Variants in AK9 observed in about 807,000 individuals in gnomAD.
AK9 encodes the protein adenylate kinase domain containing 1.
AK9 carries 191 observed loss-of-function variants against 239.6 expected under a neutral mutation model. The observed-to-expected ratio is 0.80, with a 90% CI of 0.71 to 0.90. The LOEUF (loss-of-function observed/expected upper bound fraction) is 0.90. Among genes scored for constraint, AK9 ranks in the 40% least tolerant of loss-of-function variants. AK9 has a pLI of 0.00. For synonymous variants in AK9, 689 were observed against 721.0 expected, an observed-to-expected ratio of 0.96 and a Z score of 0.71; for missense variants, 1,995 against 2,214.7, an observed-to-expected ratio of 0.90 and a Z score of 1.99.
intron 32 of AK9, among the ~76,000 whole-genome samples, chr6:109,513,086 A>T (rs2128111943): frequency 6.6e-6 from 1 of 152,322 alleles, no homozygotes; most frequent in South Asian, 2.1e-4. Context: ...GCTGGTCCTG[A>T]ACTCCTGGGC....
chr6:109,560,045 C>T (rs533255792), intron 24 of AK9, among the ~76,000 whole-genome samples: 4 of 152,242 alleles, frequency 2.6e-5, no homozygotes, highest in South Asian at 2.1e-4. Context: ...TTACATTGGT[C>T]CACGTGGATA....
intron 16 of AK9, among the ~76,000 whole-genome samples, chr6:109,611,381 G>A (rs1793561759): frequency 6.6e-6 from 1 of 152,168 alleles, no homozygotes; most frequent in African/African-American, 2.4e-5. Flanking sequence ...AAACAGCCAG[G>A]CAAAGATGCG....
intron 20 of AK9, among the ~76,000 whole-genome samples, chr6:109,577,957 TTAGA>T (rs1362163500): frequency 1.3e-5 from 2 of 151,518 alleles, no homozygotes; most frequent in Non-Finnish European, 2.9e-5. Flanking sequence ...TTTTTTCTTT[TTAGA>T]TAGCCTGTTG....
intron 26 of AK9, 113 bp from the exon 27 acceptor site, chr6:109,542,284 G>T: frequency 2.0e-6 from 2 of 1,020,986 alleles, no homozygotes; most frequent in Non-Finnish European, 1.4e-6. Flanking sequence ...GTGGAGAGTA[G>T]AATGAAAGTT....
At chr6:109,587,812 T>C (rs988953418) in intron 17 of AK9, among the ~76,000 whole-genome samples, 1 of 152,244 alleles carries the variant, frequency 6.6e-6, no homozygotes. Context: ...AGATACTCAA[T>C]AATGGGATTG....
intron 27 of AK9, among the ~76,000 whole-genome samples, chr6:109,534,404 A>G (rs1781695909): frequency 6.7e-6 from 1 of 150,156 alleles, no homozygotes; most frequent in Non-Finnish European, 1.5e-5. Context: ...TGGTTCCTGT[A>G]GAATTTGTTT....
At chr6:109,636,147 G>T (rs1796683781) in intron 10 of AK9, among the ~76,000 whole-genome samples, 1 of 152,030 alleles carries the variant, frequency 6.6e-6, no homozygotes, top group Admixed American at 6.6e-5. Context: ...ACTGTGCTAG[G>T]TGCCAGTCTG....
intron 1 of AK9, among the ~76,000 whole-genome samples, chr6:109,680,860 A>G (rs1772518293): frequency 6.6e-6 from 1 of 152,236 alleles, no homozygotes; most frequent in South Asian, 2.1e-4. Flanking sequence ...ACTAAGCTTC[A>G]TAAGTGAAGG....
chr6:109,603,276 G>A (rs1050638733), intron 17 of AK9, among the ~76,000 whole-genome samples: 1 of 152,146 alleles, frequency 6.6e-6, no homozygotes, highest in Non-Finnish European at 1.5e-5. Context: ...CTGTTTGTTA[G>A]TTTTCCTTCT....
In AK9 at chr6:109,563,581, A is replaced by G; in HGVS notation, c.2751+16T>C. On this transcript the variant is annotated intron_variant, in intron 24 of 40. Transcript: ENST00000424296. Reference sequence around the variant, plus strand: ...GACTTCACAAATGAGAATGAGTAGAAATAAAAGAATCATGCCTCTTCCTCT... The same window carrying G: ...GACTTCACAAATGAGAATGAGTAGAGATAAAAGAATCATGCCTCTTCCTCT... 1 of 1,548,874 alleles carries G rather than the reference A, an allele frequency of 6.5e-7. No homozygotes were observed. The highest frequency in any genetic ancestry group is 8.7e-7 in the Non-Finnish European group (1 of 1,146,576).
intron 21 of AK9, among the ~76,000 whole-genome samples, chr6:109,572,505 C>T (rs1004670264): frequency 5.9e-5 from 9 of 152,142 alleles, no homozygotes; most frequent in African/African-American, 1.9e-4. Context: ...GAGAGAAGTA[C>T]AGGAGGAAAG....
At chr6:109,527,054 C>G (rs1456176664) in intron 29 of AK9, among the ~76,000 whole-genome samples, 3 of 152,202 alleles carry the variant, frequency 2.0e-5, no homozygotes, top group Admixed American at 2.0e-4. Context: ...TGTCCTGGCC[C>G]TCCCTTGCTT....
Position 109,644,547 on chromosome 6 carries a change from G to C in AK9, c.834+67C>G, listed in dbSNP as rs576614805. Reference sequence around the variant, plus strand: ...AATATGCTTCTGTTTATTAAAAGAAGTACAATACTGTCAATAGATTTAAAT... The same window carrying C: ...AATATGCTTCTGTTTATTAAAAGAACTACAATACTGTCAATAGATTTAAAT... On this transcript the variant is annotated intron_variant, in intron 9 of 40. Coordinates refer to ENST00000424296, the MANE Select transcript of AK9 (RefSeq NM_001145128.3). The C allele has an allele frequency of 5.9e-6, 8 of 1,347,918 alleles. No homozygotes were observed. In the African/African-American group the frequency reaches 1.1e-4, roughly 18 times the overall value. 83.5% of individuals were successfully genotyped at this position (1,347,918 alleles called of 1,614,324 possible). A position where few individuals can be genotyped will look rare whatever the true frequency, so the allele number is the denominator to read the frequency against.
intron 10 of AK9, among the ~76,000 whole-genome samples, chr6:109,635,072 T>C (rs531241852): frequency 6.6e-6 from 1 of 152,184 alleles, no homozygotes; most frequent in South Asian, 2.1e-4. Flanking sequence ...TGAATTTATG[T>C]TTGCTGCTTC....
intron 28 of AK9, among the ~76,000 whole-genome samples, chr6:109,530,159 G>T (rs764042494): frequency 2.0e-5 from 3 of 152,082 alleles, no homozygotes; most frequent in Admixed American, 2.0e-4. Context: ...TCAGGTTTGG[G>T]GGCTTATTGG....
intron 17 of AK9, among the ~76,000 whole-genome samples, chr6:109,590,673 C>G (rs1790095860): frequency 6.6e-6 from 1 of 152,066 alleles, no homozygotes; most frequent in Admixed American, 6.6e-5. Flanking sequence ...ATAAAATTGC[C>G]TCTTAGCACT....
chr6:109,662,686 A>G, intron 5 of AK9, 23 bp from the exon 6 acceptor site: 1 of 1,348,556 alleles, frequency 7.4e-7, no homozygotes, highest in Non-Finnish European at 9.8e-7. Context: ...ATATAATTTT[A>G]AAACTTTTAT....
intron 8 of AK9, among the ~76,000 whole-genome samples, chr6:109,654,610 C>G (rs1465000867): frequency 6.6e-6 from 1 of 152,186 alleles, no homozygotes; most frequent in African/African-American, 2.4e-5. Flanking sequence ...GGATTACAGG[C>G]ATGAGCCACC....
In AK9 at chr6:109,516,513, GTTC is replaced by G. The variant is rs1309303057; in HGVS notation, c.3760_3762del (p.Glu1254del). The G allele has an allele frequency of 5.2e-6, 8 of 1,551,582 alleles. No individual in the cohort carries two copies. The highest frequency in any genetic ancestry group is 6.1e-6 in the Non-Finnish European group (7 of 1,147,006). ...AGGCGCTCAATTGCATCAGTTTCCT[GTTC>G]TTCATCTTCCTCGCCACTCATCTCT... On this transcript the variant is annotated inframe_deletion, in exon 30 of 41. Transcript: ENST00000424296.
Sources: allele counts gnomAD v4.1 joint callset (sites outside exome capture counted in the v4.1 genomes callset), GRCh38; gene constraint gnomAD v4.1.1; transcripts MANE v1.5; gene names NCBI Gene and HGNC (gene_info 2026-07-23, HGNC 2026-07-21).